Variants in SND1 observed in about 807,000 individuals in gnomAD.
The protein encoded by SND1 is staphylococcal nuclease domain-containing protein 1.
A neutral mutation model predicts 121.7 loss-of-function variants in SND1; 38 were observed. That is an observed-to-expected ratio of 0.31 (90% CI 0.24 to 0.41). The LOEUF is 0.41. Ranked by LOEUF, SND1 falls within the 10% of genes least tolerant of loss-of-function variation. The pLI, the probability that SND1 is intolerant of heterozygous loss-of-function variation, is 1.00. For missense variants in SND1, 868 were observed against 1,184.6 expected, an observed-to-expected ratio of 0.73 and a Z score of 3.92; for synonymous variants, 401 against 447.4, an observed-to-expected ratio of 0.90 and a Z score of 1.31.
At position 128,085,634 on chromosome 7, in the gene SND1, C is replaced by T; in HGVS notation, c.2235-77C>T. Reference sequence around the variant, plus strand: ...CAGGCAGGGAAATGCTGTGCCCCTGCCCCGCCATTGCTGAGGCTCTGGGAG... The same window carrying T: ...CAGGCAGGGAAATGCTGTGCCCCTGTCCCGCCATTGCTGAGGCTCTGGGAG... On this transcript the variant is annotated intron_variant, in intron 19 of 23. Coordinates refer to ENST00000354725, the MANE Select transcript of SND1 (RefSeq NM_014390.4). This position sits in a 1 kb window ranked among gnomAD's most constrained non-coding sequence, Gnocchi z 4.4. 1 of 1,293,712 alleles carries T rather than the reference C, an allele frequency of 7.7e-7. No individual in the cohort carries two copies. The highest frequency in any genetic ancestry group is 1.1e-6 in the Non-Finnish European group (1 of 893,008). 80.1% of individuals were successfully genotyped at this position (1,293,712 alleles called of 1,614,324 possible).
chr7:127,654,263 C>T (rs1310696824), intron 1 of SND1, among the ~76,000 whole-genome samples: 1 of 152,224 alleles, frequency 6.6e-6, no homozygotes, highest in Admixed American at 6.5e-5. Flanking sequence ...CTTGTGCTGA[C>T]TATTCTGCTC....
chr7:128,050,702 G>A (rs1365711235), intron 16 of SND1, among the ~76,000 whole-genome samples: 1 of 152,104 alleles, frequency 6.6e-6, no homozygotes, highest in Non-Finnish European at 1.5e-5. Context: ...CATTTATCAT[G>A]TCACCTGCAA....
intron 18 of SND1, chr7:128,081,826 A>G (rs376542776): frequency 3.2e-5 from 18 of 566,834 alleles, no homozygotes; most frequent in African/African-American, 2.3e-4. Context: ...TTGTTCCTAC[A>G]TACCCCTGGC....
chr7:128,017,872 T>TA (rs1803259994), intron 16 of SND1, among the ~76,000 whole-genome samples: 1 of 152,226 alleles, frequency 6.6e-6, no homozygotes, highest in South Asian at 2.1e-4. Context: ...CTTGCCTGCC[T>TA]TTGTTGGTCA....
At chr7:128,087,612 A>G (rs1051397089) in intron 21 of SND1, among the ~76,000 whole-genome samples, 2 of 152,072 alleles carry the variant, frequency 1.3e-5, no homozygotes, top group African/African-American at 4.8e-5. Context: ...GAAGAATGAG[A>G]AGGAGCGAAT....
intron 11 of SND1, among the ~76,000 whole-genome samples, chr7:127,831,851 A>G (rs956876935): frequency 6.6e-6 from 1 of 152,186 alleles, no homozygotes; most frequent in Non-Finnish European, 1.5e-5. Flanking sequence ...TAATTTAAAC[A>G]TTTTAATCCC....
chr7:128,009,329 C>G (rs1215069749), intron 16 of SND1, among the ~76,000 whole-genome samples: 1 of 152,132 alleles, frequency 6.6e-6, no homozygotes, highest in Admixed American at 6.5e-5. Context: ...TTCTTTGGAG[C>G]CCAGGTTTAG....
Position 127,883,442 on chromosome 7 carries a change from A to T in SND1, c.1344-4460A>T, listed in dbSNP as rs114986763. Reference sequence around the variant, plus strand: ...CTAAAACTGTCCAGTTTACTTCACAATGTGTGTTTGTGTTAATTTTGAAAC... The same window carrying T: ...CTAAAACTGTCCAGTTTACTTCACATTGTGTGTTTGTGTTAATTTTGAAAC... On this transcript the variant is annotated intron_variant, in intron 12 of 23. Transcript: ENST00000354725. Among the ~76,000 whole-genome samples the T allele has an allele frequency of 4.0e-3, 602 of 152,276 alleles. 7 individuals carry two copies. Among genetic ancestry groups the T allele is most frequent in the African/African-American group, 0.014 (568 of 41,568 alleles).
At chr7:127,787,342 C>T (rs1797831002) in intron 10 of SND1, among the ~76,000 whole-genome samples, 1 of 152,178 alleles carries the variant, frequency 6.6e-6, no homozygotes. Context: ...TCAAGCTATC[C>T]TCCTGCCTCA....
intron 6 of SND1, among the ~76,000 whole-genome samples, chr7:127,702,945 C>T (rs145674471): frequency 2.6e-5 from 4 of 152,224 alleles, no homozygotes; most frequent in East Asian, 3.9e-4. Context: ...ATTGTCCTCA[C>T]GATAATGTGA....
intron 16 of SND1, among the ~76,000 whole-genome samples, chr7:128,037,408 G>A (rs1792770113): frequency 6.6e-6 from 1 of 152,182 alleles, no homozygotes; most frequent in South Asian, 2.1e-4. Flanking sequence ...GGATAATCCA[G>A]GATGATCTCC....
At chr7:127,702,207 A>G (rs182681254) in intron 5 of SND1, among the ~76,000 whole-genome samples, 2 of 152,374 alleles carry the variant, frequency 1.3e-5, no homozygotes, top group East Asian at 3.9e-4. Flanking sequence ...GGTCCCAGAC[A>G]GTTCAGAAGA....
rs142682142 is a variant in SND1, at chr7:128,029,604, G to A, written c.1779+38548G>A. ...GAAGGGGGCAGAGCACTGGAAGGAGGCCTGGTCCACCTCCACGAGGTAGCG... is the reference window on the plus strand; with the variant it reads ...GAAGGGGGCAGAGCACTGGAAGGAGACCTGGTCCACCTCCACGAGGTAGCG... On this transcript the variant is annotated intron_variant, in intron 16 of 23. Coordinates refer to ENST00000354725, the MANE Select transcript of SND1 (RefSeq NM_014390.4). The surrounding 1 kb of genome is among the most constrained non-coding windows in gnomAD (Gnocchi z 4.2). 6.2e-6 allele frequency: 10 copies of A among 1,614,050 alleles called. No individual in the cohort carries two copies. In the Admixed American group the frequency reaches 8.3e-5, roughly 13 times the overall value.
At chr7:127,922,339 C>A (rs1399385482) in intron 14 of SND1, among the ~76,000 whole-genome samples, 4 of 151,856 alleles carry the variant, frequency 2.6e-5, no homozygotes, top group Non-Finnish European at 5.9e-5. Context: ...CTGAGGGTCC[C>A]TAATCTATTC....
At chr7:127,782,198 C>G (rs962534367) in intron 10 of SND1, among the ~76,000 whole-genome samples, 1 of 152,196 alleles carries the variant, frequency 6.6e-6, no homozygotes, top group Non-Finnish European at 1.5e-5. Flanking sequence ...GGAGATTAAT[C>G]TAAACACACT....
chr7:128,061,175 T>C (rs142414992), intron 16 of SND1, among the ~76,000 whole-genome samples: 2 of 152,232 alleles, frequency 1.3e-5, no homozygotes, highest in African/African-American at 4.8e-5. Flanking sequence ...GGACATTGGT[T>C]TGAAGTGGAG....
At chr7:127,697,114 T>C (rs1234962896) in intron 3 of SND1, among the ~76,000 whole-genome samples, 1 of 152,190 alleles carries the variant, frequency 6.6e-6, no homozygotes, top group Non-Finnish European at 1.5e-5. Flanking sequence ...CTAGAACTTA[T>C]TGAAGAGATG....
At chr7:127,779,363 C>G (rs1366719512) in intron 10 of SND1, among the ~76,000 whole-genome samples, 1 of 152,178 alleles carries the variant, frequency 6.6e-6, no homozygotes, top group African/African-American at 2.4e-5. Context: ...CTCCTTATTT[C>G]CAGTTGTTCT....
chr7:127,747,767 G>A (rs1797007741), intron 10 of SND1, among the ~76,000 whole-genome samples: 1 of 152,164 alleles, frequency 6.6e-6, no homozygotes, highest in Non-Finnish European at 1.5e-5. Context: ...TTAGCTAAAG[G>A]TGACTTTTGC....
Sources: gnomAD v4.1 joint callset for allele counts (sites outside exome capture counted in the v4.1 genomes callset) on GRCh38, gnomAD v4.1.1 for gene constraint, Gnocchi (gnomAD v3.1) non-coding constraint, MANE v1.5 for transcripts, NCBI Gene and HGNC (gene_info 2026-07-23, HGNC 2026-07-21) for gene names.